The following BPGM variants were observed in gnomAD, a reference collection of about 807,000 sequenced individuals.
BPGM encodes 2,3-bisphosphoglycerate mutase, erythrocyte.
Under a neutral mutation model 21.6 loss-of-function variants are expected in BPGM, and 15 were observed. The observed-to-expected ratio is 0.70, with a 90% confidence interval of 0.47 to 1.07. BPGM has a LOEUF of 1.07. Among genes scored for constraint, BPGM ranks in the 50% least tolerant of loss-of-function variants. The probability of loss-of-function intolerance (pLI) is 0.00; values close to 1 mark genes in which losing one functional copy is unlikely to be tolerated. For missense variants in BPGM, 273 were observed against 319.0 expected (o/e 0.86, Z 1.10); for synonymous variants, 113 against 116.2 (o/e 0.97, Z 0.18).
Position 134,656,235 on chromosome 7 carries a change from A to C in BPGM, c.-61-5212A>C, listed in dbSNP as rs528351182. 2.0e-5 allele frequency among the ~76,000 whole-genome samples: 3 copies of C among 152,324 alleles called. No homozygotes were observed. The South Asian group carries it at 6.2e-4, about 32-fold the overall frequency. On this transcript the variant is annotated intron_variant, in intron 1 of 2. Transcript: ENST00000344924. ...GAACTAACATTTAAGCTGAGCTCTAAAGCTGCATGATCTAGTGCGGTAGCC... is the reference window on the plus strand; with the variant it reads ...GAACTAACATTTAAGCTGAGCTCTACAGCTGCATGATCTAGTGCGGTAGCC...
At chr7:134,662,249 G>C in intron 2 of BPGM, 141 bp downstream of exon 2, 1 of 1,249,154 alleles carries the variant, frequency 8.0e-7, no homozygotes. Flanking sequence ...GAATTGTCTT[G>C]TTCTATAAAT....
intron 2 of BPGM, among the ~76,000 whole-genome samples, chr7:134,673,113 G>A (rs1795931010): frequency 6.6e-6 from 1 of 152,278 alleles, no homozygotes; most frequent in African/African-American, 2.4e-5. Context: ...GGCGGAGCTT[G>A]CAGTGAGCTG....
At chr7:134,659,845 A>C (rs1795702123) in intron 1 of BPGM, among the ~76,000 whole-genome samples, 1 of 152,218 alleles carries the variant, frequency 6.6e-6, no homozygotes. Flanking sequence ...TAGACATCTG[A>C]TATGTGGCAC....
chr7:134,650,309 C>T (rs1045916160), intron 1 of BPGM, among the ~76,000 whole-genome samples: 2 of 152,288 alleles, frequency 1.3e-5, no homozygotes, highest in Non-Finnish European at 2.9e-5. Context: ...TGAGCAAATG[C>T]ACATCTCATT....
At chr7:134,659,886 A>G (rs1294304200) in intron 1 of BPGM, among the ~76,000 whole-genome samples, 1 of 152,208 alleles carries the variant, frequency 6.6e-6, no homozygotes, top group Non-Finnish European at 1.5e-5. Context: ...CGAGTAGGGG[A>G]AATGACTGAT....
intron 2 of BPGM, among the ~76,000 whole-genome samples, chr7:134,673,999 A>C (rs1585867191): frequency 7.4e-6 from 1 of 135,812 alleles, no homozygotes. Context: ...TGCAACCTCC[A>C]CCTCCCAGGA....
chr7:134,656,210 G>A (rs4732044), intron 1 of BPGM, among the ~76,000 whole-genome samples: 88,773 of 152,032 alleles, frequency 0.58, 26,915 homozygotes, highest in East Asian at 0.89. Flanking sequence ...TGGCCTACAG[G>A]AACTAACATT....
chr7:134,676,427 T>A (rs1373873045), intron 2 of BPGM, among the ~76,000 whole-genome samples: 1 of 152,222 alleles, frequency 6.6e-6, no homozygotes, highest in Non-Finnish European at 1.5e-5. Context: ...AGTGAAAATT[T>A]AGATTATTTG....
At chr7:134,667,819 G>A (rs1795842827) in intron 2 of BPGM, among the ~76,000 whole-genome samples, 3 of 152,068 alleles carry the variant, frequency 2.0e-5, no homozygotes, top group Non-Finnish European at 4.4e-5. Flanking sequence ...TGCTTGACAA[G>A]CTAAAAAAGT....
At chr7:134,658,729 A>G (rs932712287) in intron 1 of BPGM, 2 of 152,140 alleles carry the variant, frequency 1.3e-5, no homozygotes, top group Non-Finnish European at 2.9e-5. Context: ...GAGAGAGGAA[A>G]GTGACCTTTT....
intron 1 of BPGM, among the ~76,000 whole-genome samples, chr7:134,648,131 G>GTTTTTTTTTTTTTTT (rs139722217): frequency 6.9e-6 from 1 of 145,264 alleles, no homozygotes; most frequent in Non-Finnish European, 1.5e-5. Flanking sequence ...CTTTTGTTTT[G>GTTTTTTTTTTTTTTT]GTTTTTTTTT....
At chr7:134,651,048 C>T (rs1012724121) in intron 1 of BPGM, among the ~76,000 whole-genome samples, 2 of 152,180 alleles carry the variant, frequency 1.3e-5, no homozygotes, top group African/African-American at 4.8e-5. Flanking sequence ...GCCAGCCCAT[C>T]TTCTATAAAG....
chr7:134,669,044 A>G (rs1795863565), intron 2 of BPGM, among the ~76,000 whole-genome samples: 1 of 152,216 alleles, frequency 6.6e-6, no homozygotes, highest in African/African-American at 2.4e-5. Context: ...CTTTTGCTAT[A>G]TGTAAATTAT....
intron 1 of BPGM, among the ~76,000 whole-genome samples, chr7:134,650,117 A>G (rs747677640): frequency 2.0e-5 from 3 of 152,228 alleles, no homozygotes; most frequent in Non-Finnish European, 4.4e-5. Context: ...TCAGTAGCAG[A>G]GCTGGGCTCA....
chr7:134,659,372 CGTGTGTGTGTGTGTGT>C (rs66893203), intron 1 of BPGM, among the ~76,000 whole-genome samples: 60 of 145,390 alleles, frequency 4.1e-4, no homozygotes, highest in South Asian at 6.8e-4. Context: ...CACACCCCTC[CGTGTGTGTGTGTGTGT>C]GTGTGTGTGT....
chr7:134,674,110 A>G (rs1340987333), intron 2 of BPGM, among the ~76,000 whole-genome samples: 1 of 151,784 alleles, frequency 6.6e-6, no homozygotes, highest in African/African-American at 2.4e-5. Flanking sequence ...ACAGGGTTTC[A>G]CCATGTTGCC....
intron 1 of BPGM, among the ~76,000 whole-genome samples, chr7:134,648,373 G>A (rs1323648426): frequency 6.6e-6 from 1 of 152,006 alleles, no homozygotes; most frequent in Non-Finnish European, 1.5e-5. Context: ...GACCTCAGGT[G>A]ATCTGCCTGC....
chr7:134,661,819 T>A lies in BPGM; in HGVS notation c.312T>A (p.Ala104=), dbSNP rs1438243415. The A allele has an allele frequency of 2.5e-6, 4 of 1,611,418 alleles. No homozygotes were observed. Among genetic ancestry groups the A allele is most frequent in the Non-Finnish European group, 3.4e-6 (4 of 1,178,456 alleles). Residue 104 remains alanine, a synonymous_variant, in exon 2 of 3, where the codon GCT becomes GCA. Transcript: ENST00000344924. The surrounding 1 kb of genome is among the most constrained non-coding windows in gnomAD (Gnocchi z 4.6). ...TCGGTCTCAACAGGGAGCAGATGGC[T>A]TTGAATCATGGTGAAGAACAAGTGA... ...ALIGLNREQM[A]LNHGEEQVRL...
rs140878347 is a variant in BPGM at position 134,646,994 on chromosome 7, T to C, written c.-62+57T>C. On this transcript the variant is annotated intron_variant, in intron 1 of 2. Transcript: ENST00000344924. ...ACGTTTACATTTTTTAGTGATGTGA[T>C]GTTTTATTTTTGGGTGCGGGGAAGG... The C allele has an allele frequency of 2.1e-3, 336 of 163,370 alleles. 2 individuals carry two copies. The highest frequency in any genetic ancestry group is 7.7e-3 in the African/African-American group (322 of 41,846). 10.1% of individuals were successfully genotyped at this position (163,370 alleles called of 1,614,324 possible).
Sources: gnomAD v4.1 joint callset for allele counts (sites outside exome capture counted in the v4.1 genomes callset) on GRCh38, gnomAD v4.1.1 for gene constraint, Gnocchi (gnomAD v3.1) non-coding constraint, MANE v1.5 for transcripts, NCBI Gene and HGNC (gene_info 2026-07-23, HGNC 2026-07-21) for gene names.